The following BTBD16 variants were observed in gnomAD, a reference collection of about 807,000 sequenced individuals.
The protein encoded by BTBD16 is BTB/POZ domain-containing protein 16.
In BTBD16, 66 loss-of-function variants were observed where a neutral mutation model predicts 67.4. That is an observed-to-expected ratio of 0.98 (90% CI 0.80 to 1.20). BTBD16 has a LOEUF of 1.20. BTBD16 is among the 50% of genes most tolerant of loss of function. BTBD16 has a pLI of 0.00. For missense variants in BTBD16, 634 were observed against 616.0 expected, an observed-to-expected ratio of 1.03 and a Z score of -0.31; for synonymous variants, 242 against 236.4, an observed-to-expected ratio of 1.02 and a Z score of -0.22.
chr10:122,318,760 A>G (rs2096430601), intron 10 of BTBD16, among the ~76,000 whole-genome samples: 1 of 152,182 alleles, frequency 6.6e-6, no homozygotes, highest in East Asian at 1.9e-4. Context: ...TAATTTTTGT[A>G]TATTTAGTAG....
Position 122,283,844 on chromosome 10 carries a change from C to A in BTBD16, c.168-7C>A. 2 of 1,611,578 alleles carry A rather than the reference C, an allele frequency of 1.2e-6. No homozygotes were observed. Among genetic ancestry groups the A allele is most frequent in the Non-Finnish European group, 1.7e-6 (2 of 1,177,840 alleles). ...TCCTGGATTTTATATTTGCATTTTC[C>A]CTTGAGGTTATGCATTTCACAAATC... On this transcript the variant is annotated splice_polypyrimidine_tract_variant and splice_region_variant and intron_variant, in intron 3 of 15. Coordinates refer to ENST00000260723, the MANE Select transcript of BTBD16 (RefSeq NM_144587.5).
chr10:122,311,939 A>G (rs2096414418), intron 10 of BTBD16, among the ~76,000 whole-genome samples: 1 of 152,248 alleles, frequency 6.6e-6, no homozygotes, highest in Non-Finnish European at 1.5e-5. Flanking sequence ...TGTATCTGTA[A>G]AATCCATCCA....
At chr10:122,312,376 A>G (rs1424422353) in intron 10 of BTBD16, among the ~76,000 whole-genome samples, 1 of 134,490 alleles carries the variant, frequency 7.4e-6, no homozygotes, top group African/African-American at 2.9e-5. Context: ...GCGGTGGCAT[A>G]GTCTCAGCTC....
In BTBD16 at chr10:122,334,936, A is replaced by G; in HGVS notation, c.1220A>G (p.Lys407Arg). ...CTATATGGATTCTTCTTTAAGATAAAGGGACTCAAACATGATACTACCTCT... is the reference window on the plus strand; with the variant it reads ...CTATATGGATTCTTCTTTAAGATAAGGGGACTCAAACATGATACTACCTCT... ...IALYGFFFKIKGLKHDTTSYS... is the reference protein window; with the variant it reads ...IALYGFFFKIRGLKHDTTSYS... The change falls in exon 14 of 16, where the codon AAG becomes AGG. Residue 407 changes from lysine to arginine, a missense_variant. Physicochemically the swap from Lys to Arg is conservative, Grantham distance 26. Transcript: ENST00000260723. The G allele has an allele frequency of 2.5e-6, 4 of 1,573,088 alleles. No individual in the cohort carries two copies. Among genetic ancestry groups the G allele is most frequent in the South Asian group, 2.2e-5 (2 of 89,720 alleles).
At position 122,334,909 on chromosome 10, in the gene BTBD16, C is replaced by A. The variant is rs2096461158; in HGVS notation, c.1193C>A (p.Ala398Asp). ...AATACAACTTATTCGAAAACGATTG[C>A]TCTATATGGATTCTTCTTTAAGATA... ...QENTTYSKTI[A>D]LYGFFFKIKG... Residue 398 changes from alanine to aspartate, a missense_variant, in exon 14 of 16, where the codon GCT becomes GAT. By Grantham distance (126) the Ala-to-Asp change is moderately radical. Coordinates refer to ENST00000260723, the MANE Select transcript of BTBD16 (RefSeq NM_144587.5). 2 of 1,571,712 alleles carry A rather than the reference C, an allele frequency of 1.3e-6. No homozygotes were observed. Among genetic ancestry groups the A allele is most frequent in the African/African-American group, 1.4e-5 (1 of 73,740 alleles).
chr10:122,290,796 C>T (rs1035511615), intron 6 of BTBD16, among the ~76,000 whole-genome samples: 2 of 152,200 alleles, frequency 1.3e-5, no homozygotes, highest in Non-Finnish European at 1.5e-5. Flanking sequence ...GCCACAGACC[C>T]CAGGTTAGGG....
At chr10:122,280,369 T>A (rs11200525) in intron 3 of BTBD16, among the ~76,000 whole-genome samples, 2 of 151,900 alleles carry the variant, frequency 1.3e-5, no homozygotes, top group African/African-American at 4.8e-5. Flanking sequence ...CAGGCCAGAC[T>A]GGGGAGGGGG....
chr10:122,304,971 G>A (rs573964511), intron 9 of BTBD16, among the ~76,000 whole-genome samples: 3 of 152,246 alleles, frequency 2.0e-5, no homozygotes, highest in Admixed American at 6.5e-5. Flanking sequence ...GCTTCCATCC[G>A]CTGAGCATGT....
chr10:122,323,298 T>C (rs1221221343), intron 10 of BTBD16, among the ~76,000 whole-genome samples: 1 of 152,218 alleles, frequency 6.6e-6, no homozygotes, highest in African/African-American at 2.4e-5. Flanking sequence ...TGATCTTGAT[T>C]TGCAACTTTC....
chr10:122,325,999 C>T (rs774712754), intron 10 of BTBD16, among the ~76,000 whole-genome samples: 1 of 151,428 alleles, frequency 6.6e-6, no homozygotes, highest in Non-Finnish European at 1.5e-5. Flanking sequence ...TCTTTGATTT[C>T]AGGAGTGTCC....
chr10:122,322,525 T>C (rs947917320), intron 10 of BTBD16, among the ~76,000 whole-genome samples: 3 of 152,120 alleles, frequency 2.0e-5, no homozygotes, highest in African/African-American at 7.2e-5. Flanking sequence ...GGAAAGAGTG[T>C]CCATAAGAAC....
rs2096456845 is a variant in BTBD16 at position 122,332,499 on chromosome 10, C to G, written c.1150C>G (p.Leu384Val). The change falls in exon 13 of 16, where the codon CTG becomes GTG. Residue 384 changes from leucine to valine, a missense_variant. Physicochemically the swap from Leu to Val is conservative, Grantham distance 32. Coordinates refer to ENST00000260723, the MANE Select transcript of BTBD16 (RefSeq NM_144587.5). ...TAACACCCAGGCTGTGAGATTTGGG[C>G]TGCTCTTTAACCAGGTACTGAGAAC... is the stretch of plus-strand genomic sequence containing the variant. Reference protein sequence around the residue: ...DLNTQAVRFGLLFNQENTTYS... With the variant: ...DLNTQAVRFGVLFNQENTTYS... 1.2e-6 allele frequency: 2 copies of G among 1,613,848 alleles called. No homozygotes were observed. The highest frequency in any genetic ancestry group is 1.7e-6 in the Non-Finnish European group (2 of 1,179,828).
At chr10:122,320,735 T>C (rs2096434016) in intron 10 of BTBD16, among the ~76,000 whole-genome samples, 1 of 152,204 alleles carries the variant, frequency 6.6e-6, no homozygotes, top group Non-Finnish European at 1.5e-5. Flanking sequence ...TCAGAGAAAA[T>C]GCTTTGTATG....
At chr10:122,320,358 G>A (rs1232328773) in intron 10 of BTBD16, among the ~76,000 whole-genome samples, 1 of 151,964 alleles carries the variant, frequency 6.6e-6, no homozygotes, top group Non-Finnish European at 1.5e-5. Flanking sequence ...TTATCATGTT[G>A]AGGAGGTTCC....
intron 2 of BTBD16, 121 bp downstream of exon 2, chr10:122,275,220 C>A: frequency 1.0e-6 from 1 of 969,676 alleles, no homozygotes; most frequent in Non-Finnish European, 1.6e-6. Context: ...GCATTATTGG[C>A]TGACTCGGCT....
At chr10:122,313,881 A>G (rs977480826) in intron 10 of BTBD16, among the ~76,000 whole-genome samples, 5 of 152,194 alleles carry the variant, frequency 3.3e-5, no homozygotes, top group African/African-American at 1.2e-4. Context: ...TGACATATAC[A>G]TCATTTTTAG....
chr10:122,281,701 T>C (rs1306977243), intron 3 of BTBD16, among the ~76,000 whole-genome samples: 2 of 152,234 alleles, frequency 1.3e-5, no homozygotes, highest in African/African-American at 2.4e-5. Context: ...CCTCCCTTCC[T>C]CTGGGACCAA....
intron 9 of BTBD16, among the ~76,000 whole-genome samples, chr10:122,299,535 C>T (rs2096390036): frequency 6.6e-6 from 1 of 151,974 alleles, no homozygotes; most frequent in Non-Finnish European, 1.5e-5. Flanking sequence ...ACTCTACACC[C>T]ACGTATCTGA....
chr10:122,329,175 C>A (rs535765269), intron 10 of BTBD16, among the ~76,000 whole-genome samples: 1 of 152,304 alleles, frequency 6.6e-6, no homozygotes, highest in African/African-American at 2.4e-5. Flanking sequence ...TGTAAAGTAA[C>A]ATGTGTTCCC....
Sources: allele counts gnomAD v4.1 joint callset (sites outside exome capture counted in the v4.1 genomes callset), GRCh38; gene constraint gnomAD v4.1.1; transcripts MANE v1.5; gene names NCBI Gene and HGNC (gene_info 2026-07-23, HGNC 2026-07-21).